Variants in TSPEAR observed in about 807,000 individuals in gnomAD.
TSPEAR encodes the protein thrombospondin-type laminin G domain and EAR repeat-containing protein.
In TSPEAR, 69 loss-of-function variants were observed where a neutral mutation model predicts 71.6. That is an observed-to-expected ratio of 0.96 (90% CI 0.79 to 1.18). TSPEAR has a LOEUF of 1.18. Ranked by LOEUF, TSPEAR falls within the 50% of genes most tolerant of loss-of-function variation. The pLI is 0.00. For synonymous variants in TSPEAR, 402 were observed against 387.2 expected (o/e 1.04, Z -0.45); for missense variants, 971 against 894.9 (o/e 1.09, Z -1.09).
intron 2 of TSPEAR, among the ~76,000 whole-genome samples, chr21:44,537,877 T>C (rs1225748457): frequency 2.0e-5 from 3 of 152,196 alleles, no homozygotes; most frequent in Non-Finnish European, 4.4e-5. Context: ...TGGACGGCCA[T>C]GCATTTAGGC....
At chr21:44,570,006 C>A (rs1394670100) in intron 1 of TSPEAR, among the ~76,000 whole-genome samples, 1 of 152,142 alleles carries the variant, frequency 6.6e-6, no homozygotes, top group African/African-American at 2.4e-5. Context: ...CACCCTACTG[C>A]CCCTCCCCCC....
chr21:44,569,305 T>C (rs2053754022), intron 1 of TSPEAR, among the ~76,000 whole-genome samples: 1 of 152,074 alleles, frequency 6.6e-6, no homozygotes, highest in African/African-American at 2.4e-5. Context: ...AAACCGGATG[T>C]GATGCAGCCG....
At chr21:44,564,041 C>T (rs1409141622) in intron 2 of TSPEAR, among the ~76,000 whole-genome samples, 1 of 107,848 alleles carries the variant, frequency 9.3e-6, no homozygotes, top group Non-Finnish European at 1.9e-5. Flanking sequence ...GAAAATGTGG[C>T]ATTAAGTAGA....
intron 1 of TSPEAR, among the ~76,000 whole-genome samples, chr21:44,658,820 A>C (rs1555943120): frequency 6.6e-6 from 1 of 152,174 alleles, no homozygotes; most frequent in Non-Finnish European, 1.5e-5. Context: ...CCCGGGTATA[A>C]AGACCACCAG....
intron 1 of TSPEAR, chr21:44,628,348 C>T (rs450639): frequency 0.54 from 164,641 of 306,488 alleles, 48,192 homozygotes; most frequent in Admixed American, 0.59. Context: ...ACCCTCTGCC[C>T]CTGAGCACCA....
At chr21:44,542,926 C>G (rs782749388) in intron 2 of TSPEAR, among the ~76,000 whole-genome samples, 3 of 151,516 alleles carry the variant, frequency 2.0e-5, no homozygotes, top group African/African-American at 4.9e-5. Flanking sequence ...TTCAAAGAAG[C>G]AACAATAACA....
chr21:44,551,148 C>T, intron 2 of TSPEAR: 1 of 1,559,332 alleles, frequency 6.4e-7, no homozygotes, highest in Non-Finnish European at 8.8e-7. Flanking sequence ...AGGCTTGCAG[C>T]AGACGGGCAC....
intron 1 of TSPEAR, among the ~76,000 whole-genome samples, chr21:44,669,416 A>G (rs1465727566): frequency 6.6e-6 from 1 of 152,194 alleles, no homozygotes; most frequent in Non-Finnish European, 1.5e-5. Flanking sequence ...GCAGGACTCC[A>G]TCTCAAAAAA....
intron 7 of TSPEAR, among the ~76,000 whole-genome samples, chr21:44,526,668 A>G (rs2052862125): frequency 6.6e-6 from 1 of 152,194 alleles, no homozygotes; most frequent in African/African-American, 2.4e-5. Context: ...CCAGTGAGTG[A>G]CTATTTGGGG....
At chr21:44,654,462 C>T (rs782229242) in intron 1 of TSPEAR, 2 of 1,613,966 alleles carry the variant, frequency 1.2e-6, no homozygotes, top group East Asian at 2.2e-5. Flanking sequence ...AGGTGGATAC[C>T]CCACACAGGG....
intron 1 of TSPEAR, among the ~76,000 whole-genome samples, chr21:44,570,118 G>A (rs1349577789): frequency 2.0e-5 from 3 of 152,146 alleles, no homozygotes; most frequent in Admixed American, 6.5e-5. Context: ...ATGAGGAAAC[G>A]TGGGGGCCAC....
At chr21:44,659,013 G>A (rs748183577) in intron 1 of TSPEAR, among the ~76,000 whole-genome samples, 19 of 152,156 alleles carry the variant, frequency 1.2e-4, no homozygotes, top group South Asian at 6.2e-4. Flanking sequence ...AGCAGAGTTC[G>A]TCTACCCCGG....
chr21:44,608,413 C>T (rs950761500), intron 1 of TSPEAR, among the ~76,000 whole-genome samples: 5 of 152,162 alleles, frequency 3.3e-5, no homozygotes, highest in African/African-American at 9.7e-5. Context: ...AGCATTCACA[C>T]GTGGACGTTG....
intron 1 of TSPEAR, chr21:44,646,377 C>T: frequency 1.3e-6 from 2 of 1,539,130 alleles, no homozygotes; most frequent in East Asian, 2.3e-5. Context: ...CCCCACAGCC[C>T]TGAGCACCTC....
intron 9 of TSPEAR, chr21:44,515,961 T>G (rs2052553126): frequency 6.6e-6 from 1 of 152,216 alleles, no homozygotes; most frequent in Non-Finnish European, 1.5e-5. Context: ...GCAGGCTCCA[T>G]CCCCATGGGG....
chr21:44,628,440 G>C lies in TSPEAR; in HGVS notation c.83-60435C>G. 1.5e-5 allele frequency: 4 copies of C among 270,286 alleles called. No individual in the cohort carries two copies. The South Asian group carries it at 2.9e-4, about 20-fold the overall frequency. 16.7% of individuals were successfully genotyped at this position (270,286 alleles called of 1,614,324 possible). A position where few individuals can be genotyped will look rare whatever the true frequency, so the allele number is the denominator to read the frequency against. On this transcript the variant is annotated intron_variant, in intron 1 of 11. Coordinates refer to ENST00000323084, the MANE Select transcript of TSPEAR (RefSeq NM_144991.3). Reference sequence around the variant, plus strand: ...AGGGGGCAGAGTGGGGCCTGGCCTGGCTCTGGGGGGCTGGGCCCCGTGGAT... The same window carrying C: ...AGGGGGCAGAGTGGGGCCTGGCCTGCCTCTGGGGGGCTGGGCCCCGTGGAT...
intron 1 of TSPEAR, among the ~76,000 whole-genome samples, chr21:44,653,765 G>A (rs587728064): frequency 7.9e-5 from 12 of 152,338 alleles, no homozygotes; most frequent in East Asian, 3.9e-4. Context: ...AAAGTGGGAC[G>A]AAGGAAGCCT....
In TSPEAR at chr21:44,498,090, A is replaced by G. The variant is rs2145896171; in HGVS notation, c.*1693T>C. The G allele has an allele frequency of 6.6e-6, 1 of 152,284 alleles. No homozygotes were observed. Among genetic ancestry groups the G allele is most frequent in the East Asian group, 1.9e-4 (1 of 5,186 alleles). 9.4% of individuals were successfully genotyped at this position (152,284 alleles called of 1,614,324 possible). ...AAGGAGCAGGTGGGAACAGTCAGTT[A>G]CCTGTTTATCTCGTGCTCAGTAAAT... On this transcript the variant is annotated 3_prime_UTR_variant, in exon 12 of 12. Transcript: ENST00000323084.
At chr21:44,530,042 G>T in intron 4 of TSPEAR, 88 bp from the exon 5 acceptor site, 1 of 1,365,338 alleles carries the variant, frequency 7.3e-7, no homozygotes, top group Non-Finnish European at 9.7e-7. Flanking sequence ...CCCATCCAGA[G>T]CCCGGAGGAG....
Sources: gnomAD v4.1 joint callset for allele counts (sites outside exome capture counted in the v4.1 genomes callset) on GRCh38, gnomAD v4.1.1 for gene constraint, MANE v1.5 for transcripts, NCBI Gene and HGNC (gene_info 2026-07-23, HGNC 2026-07-21) for gene names.